MSMB: variants seen among roughly 807,000 people sequenced by gnomAD.
The protein encoded by MSMB is beta-microseminoprotein.
Under a neutral mutation model 10.5 loss-of-function variants are expected in MSMB, and 10 were observed. The observed-to-expected ratio is 0.95, with a 90% CI of 0.59 to 1.62. MSMB has a LOEUF of 1.62. Ranked by LOEUF, MSMB falls within the 40% of genes most tolerant of loss-of-function variation. MSMB has a pLI of 0.00. For synonymous variants in MSMB, 43 were observed against 46.5 expected (o/e 0.93, Z 0.30); for missense variants, 126 against 137.4 (o/e 0.92, Z 0.42).
chr10:46,033,586 A>G, intron 3 of MSMB, 35 bp from the exon 4 acceptor site: 1 of 1,609,752 alleles, frequency 6.2e-7, no homozygotes, highest in Non-Finnish European at 8.5e-7. Context: ...CTGTTAGAAG[A>G]GAAAGGACCC....
intron 1 of MSMB, among the ~76,000 whole-genome samples, chr10:46,042,508 A>G (rs1840776487): frequency 6.6e-6 from 1 of 152,368 alleles, no homozygotes; most frequent in East Asian, 1.9e-4. Context: ...ATTTGCTACT[A>G]TATATCCACA....
At chr10:46,043,105 C>T (rs1554928855) in intron 1 of MSMB, among the ~76,000 whole-genome samples, 2 of 152,090 alleles carry the variant, frequency 1.3e-5, no homozygotes, top group African/African-American at 4.8e-5. Flanking sequence ...GCCTTGTTGA[C>T]AGCATTTTTA....
intron 1 of MSMB, among the ~76,000 whole-genome samples, chr10:46,044,575 GAAA>G (rs56061175): frequency 1.2e-3 from 48 of 38,518 alleles, no homozygotes; most frequent in East Asian, 3.2e-3. Context: ...CTCCGTCTCA[GAAA>G]AAAAAAAAAA....
chr10:46,042,923 T>C (rs1306851750), intron 1 of MSMB, among the ~76,000 whole-genome samples: 1 of 152,188 alleles, frequency 6.6e-6, no homozygotes, highest in Non-Finnish European at 1.5e-5. Flanking sequence ...TACAATAAAA[T>C]ATATGAGTTT....
In MSMB at chr10:46,037,090, G is replaced by A. The variant is rs577031356; in HGVS notation, c.215+1876C>T. ...TAGGCACCTAGCATGAGGCCTGCTC[G>A]ATAAATGTGGCTGGAACTCTCCAGG... is the stretch of plus-strand genomic sequence containing the variant. On this transcript the variant is annotated intron_variant, in intron 3 of 3. Coordinates refer to ENST00000582163, the MANE Select transcript of MSMB (RefSeq NM_002443.4). 4.6e-5 allele frequency among the ~76,000 whole-genome samples: 7 copies of A among 152,318 alleles called. No individual in the cohort carries two copies. In the East Asian group the frequency reaches 7.7e-4, roughly 17 times the overall value.
intron 3 of MSMB, among the ~76,000 whole-genome samples, chr10:46,036,438 G>C (rs1262349269): frequency 6.6e-6 from 1 of 152,192 alleles, no homozygotes; most frequent in South Asian, 2.1e-4. Context: ...CATGGCAGTA[G>C]AAACCTTGAA....
At chr10:46,042,688 A>T (rs1840779667) in intron 1 of MSMB, among the ~76,000 whole-genome samples, 1 of 152,188 alleles carries the variant, frequency 6.6e-6, no homozygotes, top group South Asian at 2.1e-4. Context: ...GAGAACAGTG[A>T]CTCAGAAAAA....
chr10:46,034,469 CTG>C (rs1554927282), intron 3 of MSMB, among the ~76,000 whole-genome samples: 2 of 151,416 alleles, frequency 1.3e-5, no homozygotes, highest in African/African-American at 4.9e-5. Flanking sequence ...GCCCACAAAA[CTG>C]TGATATAAAA....
intron 3 of MSMB, among the ~76,000 whole-genome samples, chr10:46,034,245 TG>T (rs2132409270): frequency 6.6e-6 from 1 of 152,168 alleles, no homozygotes; most frequent in East Asian, 2.0e-4. Flanking sequence ...CTTGAGTAGC[TG>T]GGATTACAGG....
At chr10:46,039,949 G>T (rs1554928190) in intron 2 of MSMB, 37 bp downstream of exon 2, 3 of 1,481,806 alleles carry the variant, frequency 2.0e-6, no homozygotes, top group Non-Finnish European at 1.9e-6. Context: ...CTACCAGGCT[G>T]CAATAACATA....
intron 3 of MSMB, among the ~76,000 whole-genome samples, chr10:46,035,104 T>G (rs1442625717): frequency 6.6e-6 from 1 of 152,260 alleles, no homozygotes; most frequent in Admixed American, 6.5e-5. Flanking sequence ...ATAATTCATA[T>G]GTTTACTTAG....
In MSMB at chr10:46,039,969, G is replaced by T; in HGVS notation, c.109+17C>A. The T allele has an allele frequency of 6.3e-7, 1 of 1,593,572 alleles. No homozygotes were observed. Among genetic ancestry groups the T allele is most frequent in the South Asian group, 1.1e-5 (1 of 90,402 alleles). ...AGGCTGCAATAACATAATAAACATT[G>T]AAAAGCCAAGACTTACTCCTGGTTG... is the stretch of plus-strand genomic sequence containing the variant. On this transcript the variant is annotated intron_variant, in intron 2 of 3. Transcript: ENST00000582163.
Position 46,033,434 on chromosome 10 carries a change from T to C in MSMB, c.333A>G (p.Glu111=). Residue 111 remains glutamate, a synonymous_variant, in exon 4 of 4, where the codon GAA becomes GAG. Transcript: ENST00000582163. ...TACTAGAAGCACATTAGATTATCCA[T>C]TCACTGACAGAACAGGTCTTTTTTG... is the stretch of plus-strand genomic sequence containing the variant. The part of the protein sequence containing the change: ...KDPKKTCSVS[E]WII 1 of 1,613,716 alleles carries C rather than the reference T, an allele frequency of 6.2e-7. No individual in the cohort carries two copies. Among genetic ancestry groups the C allele is most frequent in the East Asian group, 2.2e-5 (1 of 44,876 alleles).
At position 46,033,454 on chromosome 10, in the gene MSMB, T is replaced by C; in HGVS notation, c.313A>G (p.Lys105Glu). The C allele has an allele frequency of 6.2e-7, 1 of 1,613,954 alleles. No homozygotes were observed. Among genetic ancestry groups the C allele is most frequent in the Non-Finnish European group, 8.5e-7 (1 of 1,179,826 alleles). Residue 105 changes from lysine to glutamate, a missense_variant, in exon 4 of 4, where the codon AAG becomes GAG. Coordinates refer to ENST00000582163, the MANE Select transcript of MSMB (RefSeq NM_002443.4). ...ATCCATTCACTGACAGAACAGGTCT[T>C]TTTTGGGTCCTTCTTCTCCACCACG... ...YIVVEKKDPK[K>E]TCSVSEWII is the part of the protein sequence containing the mutation.
At chr10:46,040,242 A>G (rs1020253907) in intron 1 of MSMB, 151 bp from the exon 2 acceptor site, 51 of 487,542 alleles carry the variant, frequency 1.0e-4, no homozygotes, top group African/African-American at 9.6e-4. Flanking sequence ...CTAGGCTGAA[A>G]TTGTAGAACA....
intron 1 of MSMB, among the ~76,000 whole-genome samples, chr10:46,043,435 GTCTCTCTCTC>G (rs149445497): frequency 2.4e-5 from 3 of 124,376 alleles, no homozygotes; most frequent in Non-Finnish European, 3.3e-5. Flanking sequence ...CTCCCTTTCT[GTCTCTCTCTC>G]TCTCTCTCTC....
rs927186186 is a variant in MSMB, at chr10:46,043,684, T to C, written c.3+2551A>G. Among the ~76,000 whole-genome samples, 394 of 152,256 alleles carry C rather than the reference T, an allele frequency of 2.6e-3. 2 individuals are homozygous for C. Among genetic ancestry groups the C allele is most frequent in the African/African-American group, 9.2e-3 (381 of 41,536 alleles). ...TTTGTTTTGTTTGTCTGTTTGTTTG[T>C]TTCTTTTTGGGACGGAATCTCGTTC... is the stretch of plus-strand genomic sequence containing the variant. On this transcript the variant is annotated intron_variant, in intron 1 of 3. Coordinates refer to ENST00000582163, the MANE Select transcript of MSMB (RefSeq NM_002443.4).
intron 1 of MSMB, among the ~76,000 whole-genome samples, chr10:46,045,478 A>G (rs1840873799): frequency 6.6e-6 from 1 of 152,100 alleles, no homozygotes; most frequent in African/African-American, 2.4e-5. Context: ...GGCTGCAGTG[A>G]ATCATGACTG....
rs782450443 is a variant in MSMB, at chr10:46,033,423, T to C, written c.344A>G (p.Ter115=). Residue 115 remains the stop codon, a stop_retained_variant, in exon 4 of 4, where the codon TAA becomes TGA. Coordinates refer to ENST00000582163, the MANE Select transcript of MSMB (RefSeq NM_002443.4). ...AGCCCTGTGCCTACTAGAAGCACAT[T>C]AGATTATCCATTCACTGACAGAACA... ...KTCSVSEWII[*] 6.2e-7 allele frequency: 1 copy of C among 1,613,556 alleles called. No homozygotes were observed. Among genetic ancestry groups the C allele is most frequent in the Non-Finnish European group, 8.5e-7 (1 of 1,179,518 alleles).
Sources: gnomAD v4.1 joint callset for allele counts (sites outside exome capture counted in the v4.1 genomes callset) on GRCh38, gnomAD v4.1.1 for gene constraint, MANE v1.5 for transcripts, NCBI Gene and HGNC (gene_info 2026-07-23, HGNC 2026-07-21) for gene names.